ADGRE1: variants seen among roughly 807,000 people sequenced by gnomAD.
ADGRE1 encodes the protein adhesion G protein-coupled receptor E1.
In ADGRE1, 82 loss-of-function variants were observed where a neutral mutation model predicts 102.7. The ratio of observed to expected loss-of-function variants is 0.80; its 90% CI spans 0.67 to 0.96. The LOEUF is 0.96. Among genes scored for constraint, ADGRE1 ranks in the 40% least tolerant of loss-of-function variants. ADGRE1 has a pLI of 0.00. For synonymous variants in ADGRE1, 398 were observed against 399.6 expected (o/e 1.00, Z 0.05); for missense variants, 1,032 against 1,085.3 (o/e 0.95, Z 0.69).
rs750662133 is a variant in ADGRE1 at position 6,901,914 on chromosome 19, A to G, written c.554A>G (p.His185Arg). 6 of 1,614,100 alleles carry G rather than the reference A, an allele frequency of 3.7e-6. No individual in the cohort carries two copies. The highest frequency in any genetic ancestry group is 1.7e-5 in the Admixed American group (1 of 60,008). ...GCAGATCCAAGAGCTTGCCCAGAGC[A>G]TGCAACTTGTAATAACACTGTTGGA... ...ECADPRACPE[H>R]ATCNNTVGNY... is the part of the protein sequence containing the mutation. Residue 185 changes from histidine to arginine, a missense_variant, in exon 6 of 21, where the codon CAT (histidine) becomes CGT (arginine). Transcript: ENST00000312053.
At chr19:6,913,956 C>G (rs1206034877) in intron 11 of ADGRE1, 126 bp downstream of exon 11, 7 of 1,085,598 alleles carry the variant, frequency 6.4e-6, no homozygotes, top group Non-Finnish European at 9.1e-6. Flanking sequence ...TTTGAATTCA[C>G]AGCAAAGCAA....
intron 17 of ADGRE1, among the ~76,000 whole-genome samples, chr19:6,929,292 C>T (rs1031198540): frequency 2.4e-4 from 37 of 152,130 alleles, no homozygotes; most frequent in African/African-American, 8.9e-4. Context: ...GGACTTCTGG[C>T]CCGCAGCAAA....
At position 6,906,492 on chromosome 19, in the gene ADGRE1, C is replaced by T. The variant is rs139498335; in HGVS notation, c.1009C>T (p.Gln337Ter). ...CGATAATAAGCAGATCCAGCAATGC[C>T]AAGAGGGAACCGCAGTGAAACCTGC... ...IPDNKQIQQC[Q>*]EGTAVKPAYV... The change falls in exon 9 of 21, where the codon CAA becomes TAA. Residue 337 changes from glutamine to a stop codon, truncating the protein, a stop_gained. Coordinates refer to ENST00000312053, the MANE Select transcript of ADGRE1 (RefSeq NM_001974.5). LOFTEE classifies it high-confidence loss of function. The T allele has an allele frequency of 5.5e-4, 887 of 1,613,722 alleles. 1 individual carries two copies. The highest frequency in any genetic ancestry group is 7.2e-4 in the Non-Finnish European group (849 of 1,179,760).
chr19:6,927,514 T>C (rs978661504), intron 16 of ADGRE1, among the ~76,000 whole-genome samples: 3 of 152,104 alleles, frequency 2.0e-5, no homozygotes, highest in African/African-American at 7.2e-5. Context: ...TAACTTACGA[T>C]AGTGATAGCT....
intron 5 of ADGRE1, chr19:6,898,468 G>T: frequency 6.3e-7 from 1 of 1,589,932 alleles, no homozygotes. Context: ...TACTGGTGAT[G>T]CCCTCAGGTT....
At chr19:6,896,072 CAT>C (rs1435566663) in intron 2 of ADGRE1, 1 of 207,662 alleles carries the variant, frequency 4.8e-6, no homozygotes, top group East Asian at 1.1e-4. Context: ...GGCTTCTAGA[CAT>C]ATCACTCTGA....
intron 1 of ADGRE1, among the ~76,000 whole-genome samples, chr19:6,888,459 G>C (rs1973226965): frequency 6.6e-6 from 1 of 152,154 alleles, no homozygotes; most frequent in Non-Finnish European, 1.5e-5. Context: ...TCTATGTCTT[G>C]TGTGTTTTGG....
At chr19:6,901,706 C>A (rs531805943) in intron 5 of ADGRE1, among the ~76,000 whole-genome samples, 169 bp from the exon 6 acceptor site, 9 of 152,266 alleles carry the variant, frequency 5.9e-5, no homozygotes, top group African/African-American at 2.2e-4. Flanking sequence ...AAAGAAGGAA[C>A]TGGGAAATAT....
Position 6,908,689 on chromosome 19 carries a change from G to A in ADGRE1, c.1039G>A (p.Val347Ile), listed in dbSNP as rs753056584. The change falls in exon 10 of 21, where the codon GTC (valine) becomes ATC (isoleucine). Residue 347 changes from valine to isoleucine, a missense_variant and splice_region_variant. Val to Ile is a conservative substitution (Grantham distance 29). Coordinates refer to ENST00000312053, the MANE Select transcript of ADGRE1 (RefSeq NM_001974.5). ...CTTTTTTTTTTTTTCTGGGACGCAGGTCTCCTTTTGTGCACAAATAAATAA... is the reference window on the plus strand; with the variant it reads ...CTTTTTTTTTTTTTCTGGGACGCAGATCTCCTTTTGTGCACAAATAAATAA... Reference protein sequence around the residue: ...QEGTAVKPAYVSFCAQINNIF... With the variant: ...QEGTAVKPAYISFCAQINNIF... The A allele has an allele frequency of 1.9e-6, 3 of 1,569,782 alleles. No individual in the cohort carries two copies. In the African/African-American group the frequency reaches 4.2e-5, roughly 22 times the overall value.
Position 6,903,839 on chromosome 19 carries a change from A to G in ADGRE1, c.691A>G (p.Ile231Val). 1 of 1,614,186 alleles carries G rather than the reference A, an allele frequency of 6.2e-7. No individual in the cohort carries two copies. Among genetic ancestry groups the G allele is most frequent in the South Asian group, 1.1e-5 (1 of 91,082 alleles). ...TGATGAATGCACTGAAATGTGCCCC[A>G]TCAATTCAACATGCACCAACACTCC... ...DIDECTEMCP[I>V]NSTCTNTPGS... is the part of the protein sequence containing the mutation. The change falls in exon 7 of 21, where the codon ATC (isoleucine) becomes GTC (valine). Residue 231 changes from isoleucine to valine, a missense_variant. Physicochemically the swap from Ile to Val is conservative, Grantham distance 29 (BLOSUM62 3). Transcript: ENST00000312053.
At position 6,909,005 on chromosome 19, in the gene ADGRE1, G is replaced by C. The variant is rs993052537; in HGVS notation, c.1122+233G>C. ...AGAACTTAGCCGGGCATGGTGGCAG[G>C]TGCCCATAGTACCAGCTACTCAGGA... On this transcript the variant is annotated intron_variant, in intron 10 of 20. Transcript: ENST00000312053. Among the ~76,000 whole-genome samples the C allele has an allele frequency of 3.3e-5, 5 of 152,012 alleles. No individual in the cohort carries two copies. In the East Asian group the frequency reaches 7.8e-4, roughly 24 times the overall value.
intron 17 of ADGRE1, among the ~76,000 whole-genome samples, chr19:6,930,214 G>T (rs992342941): frequency 1.3e-5 from 2 of 152,158 alleles, no homozygotes; most frequent in Non-Finnish European, 2.9e-5. Flanking sequence ...TTGAATGAAA[G>T]AAAAAGTAAA....
intron 16 of ADGRE1, 68 bp from the exon 17 acceptor site, chr19:6,928,077 T>TGG (rs1398132383): frequency 6.5e-7 from 1 of 1,538,570 alleles, no homozygotes; most frequent in Non-Finnish European, 8.8e-7. Context: ...GGGCATTTGT[T>TGG]GGGACAGGGT....
At position 6,887,628 on chromosome 19, in the gene ADGRE1, T is replaced by C. The variant is rs1973199266; in HGVS notation, c.20T>C (p.Leu7Pro). The C allele has an allele frequency of 6.2e-7, 1 of 1,612,478 alleles. No homozygotes were observed. The highest frequency in any genetic ancestry group is 1.7e-4 in the Middle Eastern group (1 of 6,056). ...AGCATAATGCGTGGCTTCAACCTGC[T>C]CCTCTTCTGGGGTGAGTGTGAGGCT... is the stretch of plus-strand genomic sequence containing the variant. MRGFNL[L>P]LFWGCCVMHS... is the part of the protein sequence containing the mutation. The change falls in exon 1 of 21, where the codon CTC becomes CCC. Residue 7 changes from leucine (L) to proline (P), a missense_variant. Leu to Pro is a moderately conservative substitution (Grantham distance 98, BLOSUM62 -3). Coordinates refer to ENST00000312053, the MANE Select transcript of ADGRE1 (RefSeq NM_001974.5).
rs1975459289 is a variant in ADGRE1, at chr19:6,937,378, C to A, written c.2517C>A (p.Phe839Leu). The A allele has an allele frequency of 1.5e-5, 24 of 1,613,816 alleles. No individual in the cohort carries two copies. The highest frequency in any genetic ancestry group is 2.0e-5 in the Non-Finnish European group (24 of 1,180,014). Reference sequence around the variant, plus strand: ...TCATCAACAGCCTGCAGGGGGCCTTCATCTTCCTCATCCACTGTCTGCTCA... The same window carrying A: ...TCATCAACAGCCTGCAGGGGGCCTTAATCTTCCTCATCCACTGTCTGCTCA... ...FTIINSLQGA[F>L]IFLIHCLLNG... The change falls in exon 19 of 21, where the codon TTC becomes TTA. Residue 839 changes from phenylalanine (F) to leucine (L), a missense_variant. Phe to Leu is a conservative substitution (Grantham distance 22). Transcript: ENST00000312053.
chr19:6,919,673 G>C lies in ADGRE1; in HGVS notation c.1546G>C (p.Val516Leu), dbSNP rs760348057. The C allele has an allele frequency of 1.2e-6, 2 of 1,613,362 alleles. No homozygotes were observed. Among genetic ancestry groups the C allele is most frequent in the Non-Finnish European group, 1.7e-6 (2 of 1,179,926 alleles). Residue 516 changes from valine (V) to leucine (L), a missense_variant, in exon 13 of 21, where the codon GTT (valine) becomes CTT (leucine). Physicochemically the swap from Val to Leu is conservative, Grantham distance 32 (BLOSUM62 1). Transcript: ENST00000312053. ...CAAGCTGAAGATGAATTCTCGAGTC[G>C]TTGGGGGCATAATGACTGGAGAGAA... ...EIKLKMNSRVVGGIMTGEKKD... is the reference protein window; with the variant it reads ...EIKLKMNSRVLGGIMTGEKKD...
intron 12 of ADGRE1, among the ~76,000 whole-genome samples, chr19:6,917,102 A>C (rs1476239382): frequency 6.6e-6 from 1 of 152,200 alleles, no homozygotes; most frequent in Non-Finnish European, 1.5e-5. Flanking sequence ...GTGCAAAAGC[A>C]TCCATAGACA....
At chr19:6,934,915 T>C (rs958783115) in intron 17 of ADGRE1, 72 bp from the exon 18 acceptor site, 5 of 1,107,696 alleles carry the variant, frequency 4.5e-6, no homozygotes, top group African/African-American at 1.6e-5. Flanking sequence ...CCCAGAGTTC[T>C]CTTTTTATAG....
rs747800046 is a variant in ADGRE1 at position 6,896,551 on chromosome 19, T to C, written c.238+10T>C. 3.1e-6 allele frequency: 5 copies of C among 1,613,288 alleles called. No individual in the cohort carries two copies. The East Asian group carries it at 1.1e-4, about 36-fold the overall frequency. ...GGAGTGCGATGCAAAGGTGAGTTCATGTCCCCTCAAACCATCCAGCATTTG... is the reference window on the plus strand; with the variant it reads ...GGAGTGCGATGCAAAGGTGAGTTCACGTCCCCTCAAACCATCCAGCATTTG... On this transcript the variant is annotated intron_variant, in intron 3 of 20. Transcript: ENST00000312053.
Sources: gnomAD v4.1 joint callset for allele counts (sites outside exome capture counted in the v4.1 genomes callset) on GRCh38, gnomAD v4.1.1 for gene constraint, MANE v1.5 for transcripts, NCBI Gene and HGNC (gene_info 2026-07-23, HGNC 2026-07-21) for gene names.